The following DOCK5 variants were observed in gnomAD, a reference collection of about 807,000 sequenced individuals.
DOCK5 encodes the protein dedicator of cytokinesis 5.
In DOCK5, 142 loss-of-function variants were observed where a neutral mutation model predicts 251.8. The ratio of observed to expected loss-of-function variants is 0.56; its 90% CI spans 0.49 to 0.65. The LOEUF (loss-of-function observed/expected upper bound fraction) is 0.65. DOCK5 is among the 30% of genes least tolerant of loss of function. The pLI is 0.00. For missense variants in DOCK5, 2,111 were observed against 2,312.3 expected, an observed-to-expected ratio of 0.91 and a Z score of 1.79; for synonymous variants, 842 against 835.5, an observed-to-expected ratio of 1.01 and a Z score of -0.13.
chr8:25,338,003 A>G (rs1805857281), intron 22 of DOCK5, among the ~76,000 whole-genome samples: 1 of 152,152 alleles, frequency 6.6e-6, no homozygotes, highest in South Asian at 2.1e-4. Flanking sequence ...ATCACATGCT[A>G]AAGTGTTTTT....
intron 1 of DOCK5, among the ~76,000 whole-genome samples, chr8:25,202,969 A>G (rs941248828): frequency 6.6e-6 from 1 of 152,212 alleles, no homozygotes; most frequent in Non-Finnish European, 1.5e-5. Context: ...ACTACTGTGT[A>G]AGATAAAGAG....
intron 5 of DOCK5, among the ~76,000 whole-genome samples, chr8:25,288,972 G>T (rs965631206): frequency 3.3e-5 from 5 of 152,172 alleles, no homozygotes; most frequent in African/African-American, 1.2e-4. Flanking sequence ...GTTTTTTTAA[G>T]ATCAGTGGTG....
At chr8:25,271,018 T>G (rs1227218776) in intron 3 of DOCK5, 2 of 445,938 alleles carry the variant, frequency 4.5e-6, no homozygotes. Flanking sequence ...ACTTTTTTTT[T>G]CTATATTTTT....
chr8:25,357,755 A>G (rs1339436600), intron 27 of DOCK5, among the ~76,000 whole-genome samples: 1 of 152,074 alleles, frequency 6.6e-6, no homozygotes, highest in Non-Finnish European at 1.5e-5. Flanking sequence ...ACAGTCTTTC[A>G]TTGTTCTGCT....
intron 44 of DOCK5, among the ~76,000 whole-genome samples, chr8:25,395,181 G>T (rs913728843): frequency 5.9e-5 from 9 of 152,166 alleles, no homozygotes; most frequent in Non-Finnish European, 1.2e-4. Flanking sequence ...TAGATCCCTC[G>T]CATGTGCAGT....
chr8:25,391,197 CTGTGTGTGTGTGTGTGTGTG>C (rs760981712), intron 42 of DOCK5, among the ~76,000 whole-genome samples: 45 of 22,846 alleles, frequency 2.0e-3, no homozygotes, highest in African/African-American at 2.2e-3. Flanking sequence ...ACCACCACAC[CTGTGTGTGTGTGTGTGTGTG>C]TGTGTGTGTG....
At chr8:25,351,631 C>A in intron 26 of DOCK5, 100 bp from the exon 27 acceptor site, 1 of 857,306 alleles carries the variant, frequency 1.2e-6, no homozygotes, top group Non-Finnish European at 1.8e-6. Context: ...TAGGGAAAAG[C>A]CAAAAAGAGA....
chr8:25,197,707 C>A (rs531666357), intron 1 of DOCK5, among the ~76,000 whole-genome samples: 8 of 149,288 alleles, frequency 5.4e-5, no homozygotes, highest in African/African-American at 2.0e-4. Flanking sequence ...CCTCAGCCAC[C>A]CAAGTAGCTG....
intron 10 of DOCK5, 140 bp from the exon 11 acceptor site, chr8:25,304,115 G>T (rs1053631693): frequency 1.7e-5 from 11 of 664,090 alleles, no homozygotes; most frequent in Non-Finnish European, 2.4e-5. Context: ...ATCACCATTG[G>T]CAAAGAAATT....
intron 13 of DOCK5, among the ~76,000 whole-genome samples, chr8:25,314,161 A>G (rs1056472284): frequency 8.0e-6 from 1 of 124,974 alleles, no homozygotes; most frequent in African/African-American, 3.1e-5. Flanking sequence ...CGCAGGCTGG[A>G]GTATAGTTGT....
chr8:25,320,571 G>A (rs185054814), intron 15 of DOCK5, among the ~76,000 whole-genome samples: 1 of 152,298 alleles, frequency 6.6e-6, no homozygotes, highest in Admixed American at 6.5e-5. Context: ...GTAAGCAGCA[G>A]AAAACTGCTT....
intron 2 of DOCK5, among the ~76,000 whole-genome samples, chr8:25,258,620 A>G (rs1389933432): frequency 1.3e-5 from 2 of 152,192 alleles, no homozygotes; most frequent in Non-Finnish European, 2.9e-5. Flanking sequence ...TCCCAGGAGA[A>G]CAAAGAAGGG....
At chr8:25,302,793 T>G (rs1017415259) in intron 10 of DOCK5, among the ~76,000 whole-genome samples, 1 of 152,194 alleles carries the variant, frequency 6.6e-6, no homozygotes, top group Non-Finnish European at 1.5e-5. Flanking sequence ...GACTTTACAC[T>G]AAGTAAATAA....
chr8:25,312,633 T>G (rs1027152101), intron 13 of DOCK5, among the ~76,000 whole-genome samples: 26 of 151,808 alleles, frequency 1.7e-4, no homozygotes, highest in Admixed American at 9.2e-4. Context: ...CGAGTTGACG[T>G]GTACCTGTAG....
At chr8:25,338,237 C>T (rs980581623) in intron 22 of DOCK5, among the ~76,000 whole-genome samples, 1 of 151,904 alleles carries the variant, frequency 6.6e-6, no homozygotes, top group African/African-American at 2.4e-5. Context: ...GACAGGGTCT[C>T]TCTATGTTAC....
At chr8:25,228,984 A>G (rs1051702979) in intron 1 of DOCK5, among the ~76,000 whole-genome samples, 1 of 151,460 alleles carries the variant, frequency 6.6e-6, no homozygotes, top group African/African-American at 2.4e-5. Flanking sequence ...TAATCCCAGC[A>G]CTCGGGGAGG....
In DOCK5 at chr8:25,351,428, T is replaced by C. The variant is rs561856558; in HGVS notation, c.2755-303T>C. ...CATGCTAATGGGGGTCCCCCAAAAC[T>C]ATTTGTTGAGTCAGTGGCCACAGTG... On this transcript the variant is annotated intron_variant, in intron 26 of 51. Transcript: ENST00000276440. 23 of 318,196 alleles carry C rather than the reference T, an allele frequency of 7.2e-5. No individual in the cohort carries two copies. In the Admixed American group the frequency reaches 8.4e-4, roughly 12 times the overall value. 19.7% of individuals were successfully genotyped at this position (318,196 alleles called of 1,614,324 possible). A position where few individuals can be genotyped will look rare whatever the true frequency, so the allele number is the denominator to read the frequency against.
rs540312458 is a variant in DOCK5, at chr8:25,382,434, G to A, written c.4027-240G>A. Among the ~76,000 whole-genome samples, 19 of 152,254 alleles carry A rather than the reference G, an allele frequency of 1.2e-4. No individual in the cohort carries two copies. In the South Asian group the frequency reaches 3.7e-3, roughly 30 times the overall value. On this transcript the variant is annotated intron_variant, in intron 39 of 51. Transcript: ENST00000276440. ...CCCCGTTACGCAGAAGAATTCCAACGTGCACACACTTCAGCATACACCCTC... is the reference window on the plus strand; with the variant it reads ...CCCCGTTACGCAGAAGAATTCCAACATGCACACACTTCAGCATACACCCTC...
At chr8:25,373,135 G>A (rs1223612616) in intron 35 of DOCK5, among the ~76,000 whole-genome samples, 2 of 152,018 alleles carry the variant, frequency 1.3e-5, no homozygotes, top group Non-Finnish European at 2.9e-5. Context: ...AAGTAGCTGG[G>A]ATTACAGGCA....
Sources: allele counts gnomAD v4.1 joint callset (sites outside exome capture counted in the v4.1 genomes callset), GRCh38; gene constraint gnomAD v4.1.1; transcripts MANE v1.5; gene names NCBI Gene and HGNC (gene_info 2026-07-23, HGNC 2026-07-21).